Variants in SPAG16 observed in about 807,000 individuals in gnomAD.
SPAG16 encodes sperm-associated antigen 16 protein.
Under a neutral mutation model 80.4 loss-of-function variants are expected in SPAG16, and 86 were observed. That is an observed-to-expected ratio of 1.07 (90% CI 0.90 to 1.28). The LOEUF is 1.28. Ranked by LOEUF, SPAG16 falls within the 50% of genes most tolerant of loss-of-function variation. SPAG16 has a pLI of 0.00. For missense variants in SPAG16, 870 were observed against 765.3 expected (o/e 1.14, Z -1.61); for synonymous variants, 294 against 265.9 (o/e 1.11, Z -1.03).
chr2:213,380,160 A>G (rs186346649), intron 9 of SPAG16, among the ~76,000 whole-genome samples: 49 of 152,272 alleles, frequency 3.2e-4, no homozygotes, highest in Non-Finnish European at 3.7e-4. Context: ...ATAATCACAC[A>G]TCTGACCATT....
At chr2:213,470,610 G>T (rs1319456081) in intron 9 of SPAG16, among the ~76,000 whole-genome samples, 2 of 152,182 alleles carry the variant, frequency 1.3e-5, no homozygotes, top group African/African-American at 4.8e-5. Context: ...ACTCAGCAGT[G>T]CCCATAGCCA....
At chr2:213,656,392 G>A (rs1007732693) in intron 10 of SPAG16, among the ~76,000 whole-genome samples, 2 of 152,100 alleles carry the variant, frequency 1.3e-5, no homozygotes, top group Non-Finnish European at 2.9e-5. Context: ...TGATGGTCTC[G>A]ATCTCCTCCG....
At chr2:214,379,023 C>CTGCAT (rs1700295434) in intron 15 of SPAG16, among the ~76,000 whole-genome samples, 1 of 152,160 alleles carries the variant, frequency 6.6e-6, no homozygotes, top group Admixed American at 6.5e-5. Context: ...ATCATACCAC[C>CTGCAT]GTCTGGCTTA....
intron 13 of SPAG16, among the ~76,000 whole-genome samples, chr2:214,107,128 A>G (rs1287641978): frequency 6.6e-6 from 1 of 151,996 alleles, no homozygotes; most frequent in Admixed American, 6.6e-5. Context: ...TTAGTTCCCA[A>G]ATCCCAAAAT....
chr2:213,692,876 A>G (rs1202451478), intron 10 of SPAG16, among the ~76,000 whole-genome samples: 1 of 152,070 alleles, frequency 6.6e-6, no homozygotes, highest in Non-Finnish European at 1.5e-5. Flanking sequence ...TAGTTGAGTT[A>G]GTAATATGAG....
At chr2:214,347,645 C>T (rs139564128) in intron 15 of SPAG16, among the ~76,000 whole-genome samples, 63 of 152,200 alleles carry the variant, frequency 4.1e-4, no homozygotes, top group East Asian at 3.9e-4. Flanking sequence ...ATTATCCTGA[C>T]GATATTATCA....
At chr2:213,416,911 C>T (rs1444896494) in intron 9 of SPAG16, among the ~76,000 whole-genome samples, 1 of 152,162 alleles carries the variant, frequency 6.6e-6, no homozygotes, top group Non-Finnish European at 1.5e-5. Flanking sequence ...ACTGAGGTTT[C>T]CACAGGAAGG....
chr2:213,375,443 T>G (rs1233741999), intron 9 of SPAG16, among the ~76,000 whole-genome samples: 1 of 151,998 alleles, frequency 6.6e-6, no homozygotes, highest in Non-Finnish European at 1.5e-5. Context: ...CCAGGTCATA[T>G]CTTGTTATAT....
intron 15 of SPAG16, among the ~76,000 whole-genome samples, chr2:214,337,589 G>T (rs1346302751): frequency 6.6e-6 from 1 of 152,116 alleles, no homozygotes; most frequent in Admixed American, 6.5e-5. Flanking sequence ...GATATTCTAG[G>T]GAGAGAACAA....
In SPAG16 at chr2:213,831,034, CTTT is replaced by C. The variant is rs34523016; in HGVS notation, c.1071-31430_1071-31428del. The stretch of plus-strand genomic sequence containing the variant: ...TTTATTGTTGAAAAGTGAAACATGA[CTTT>C]TTTTTTTTTTTTTTTTTTTTGAGAT... On this transcript the variant is annotated intron_variant, in intron 10 of 15. Coordinates refer to ENST00000331683, the MANE Select transcript of SPAG16 (RefSeq NM_024532.5). Among the ~76,000 whole-genome samples the C allele has an allele frequency of 9.5e-3, 768 of 80,766 alleles. 7 individuals carry two copies. Among genetic ancestry groups the C allele is most frequent in the African/African-American group, 0.029 (645 of 22,384 alleles). 53.0% of individuals were successfully genotyped at this position (80,766 alleles called of 152,430 possible). A position where few individuals can be genotyped will look rare whatever the true frequency, so the allele number is the denominator to read the frequency against.
At chr2:214,041,978 G>GTATATATATATATATATA (rs1158447338) in intron 13 of SPAG16, among the ~76,000 whole-genome samples, 2 of 116,362 alleles carry the variant, frequency 1.7e-5, no homozygotes, top group African/African-American at 6.5e-5. Flanking sequence ...GTCTGTGTGT[G>GTATATATATATATATATA]TATATATATA....
chr2:213,702,946 C>T (rs975964183), intron 10 of SPAG16, among the ~76,000 whole-genome samples: 10 of 152,282 alleles, frequency 6.6e-5, no homozygotes, highest in South Asian at 2.1e-4. Flanking sequence ...TGTTCATCCA[C>T]GCGCTCTACC....
intron 3 of SPAG16, among the ~76,000 whole-genome samples, chr2:213,303,660 C>T (rs2062833452): frequency 6.6e-6 from 1 of 152,050 alleles, no homozygotes. Context: ...ACTTATTCCA[C>T]TTACATAATG....
intron 10 of SPAG16, among the ~76,000 whole-genome samples, chr2:213,777,248 T>C (rs1014650254): frequency 2.2e-5 from 3 of 136,968 alleles, no homozygotes; most frequent in African/African-American, 8.3e-5. Context: ...TTTTTTTTTT[T>C]TTTTTTTTTT....
At chr2:213,815,708 C>A (rs2072488404) in intron 10 of SPAG16, among the ~76,000 whole-genome samples, 1 of 152,002 alleles carries the variant, frequency 6.6e-6, no homozygotes, top group Admixed American at 6.6e-5. Flanking sequence ...CTAACTAGAT[C>A]AATTTTTATC....
At chr2:214,026,690 A>G (rs893195017) in intron 13 of SPAG16, among the ~76,000 whole-genome samples, 1 of 151,476 alleles carries the variant, frequency 6.6e-6, no homozygotes, top group African/African-American at 2.4e-5. Context: ...AGCTGGAGGG[A>G]AAAGATTCAT....
intron 14 of SPAG16, among the ~76,000 whole-genome samples, chr2:214,141,197 G>A (rs1364582405): frequency 2.0e-5 from 3 of 152,036 alleles, no homozygotes; most frequent in East Asian, 3.9e-4. Flanking sequence ...GCCTGGGCAC[G>A]GTGGCTCATG....
chr2:214,339,909 C>G (rs1319219480), intron 15 of SPAG16, among the ~76,000 whole-genome samples: 1 of 152,132 alleles, frequency 6.6e-6, no homozygotes, highest in Non-Finnish European at 1.5e-5. Flanking sequence ...GTGGGCCTGA[C>G]CTAATCACAG....
chr2:213,876,311 AAAAAAAAAAG>A (rs757461558), intron 11 of SPAG16, among the ~76,000 whole-genome samples: 5 of 116,062 alleles, frequency 4.3e-5, no homozygotes, highest in Non-Finnish European at 8.0e-5. Flanking sequence ...AACCAAAAAA[AAAAAAAAAAG>A]AAGAAGAAAA....
Sources: allele counts gnomAD v4.1 joint callset (sites outside exome capture counted in the v4.1 genomes callset), GRCh38; gene constraint gnomAD v4.1.1; transcripts MANE v1.5; gene names NCBI Gene and HGNC (gene_info 2026-07-23, HGNC 2026-07-21).